Variants in SYNE3 observed in about 807,000 individuals in gnomAD.
SYNE3 encodes spectrin repeat containing nuclear envelope family member 3.
In SYNE3, 100 loss-of-function variants were observed where a neutral mutation model predicts 111.2. That is an observed-to-expected ratio of 0.90 (90% confidence interval 0.77 to 1.06). The LOEUF is 1.06. Among genes scored for constraint, SYNE3 ranks in the 50% least tolerant of loss-of-function variants. SYNE3 has a pLI of 0.00. For synonymous variants in SYNE3, 547 were observed against 533.9 expected, an observed-to-expected ratio of 1.02 and a Z score of -0.34; for missense variants, 1,160 against 1,240.3, an observed-to-expected ratio of 0.94 and a Z score of 0.97.
In SYNE3 at chr14:95,439,936, T is replaced by G. The variant is rs748156365; in HGVS notation, c.2051A>C (p.Glu684Ala). Reference sequence around the variant, plus strand: ...TACCTCAAACTCGGCCTCTTGGGACTCGGCATCCCCCGGGCCCGCCTCTCC... The same window carrying G: ...TACCTCAAACTCGGCCTCTTGGGACGCGGCATCCCCCGGGCCCGCCTCTCC... ...HRGEAGPGDA[E>A]SQEAEFERLV... is the part of the protein sequence containing the mutation. Residue 684 changes from glutamate to alanine, a missense_variant, in exon 12 of 18, where the codon GAG becomes GCG. Glu to Ala is a moderately radical substitution (Grantham distance 107). Coordinates refer to ENST00000682763, the MANE Select transcript of SYNE3 (RefSeq NM_152592.6). 1.1e-5 allele frequency: 18 copies of G among 1,612,856 alleles called. No individual in the cohort carries two copies. Among genetic ancestry groups the G allele is most frequent in the Admixed American group, 8.3e-5 (5 of 59,892 alleles).
chr14:95,439,539 G>A (rs533152239), intron 13 of SYNE3, 73 bp downstream of exon 13: 109 of 1,580,002 alleles, frequency 6.9e-5, no homozygotes, highest in Admixed American at 5.7e-4. Context: ...TCTGCTCCAC[G>A]AGCACCTGAG....
chr14:95,436,091 CA>C (rs200599055), intron 15 of SYNE3, among the ~76,000 whole-genome samples: 2,292 of 152,214 alleles, frequency 0.015, 28 homozygotes, highest in South Asian at 0.026. Flanking sequence ...AGTTCAGTTG[CA>C]AAAATGGCTG....
intron 4 of SYNE3, among the ~76,000 whole-genome samples, chr14:95,464,229 G>A (rs1399481644): frequency 6.6e-6 from 1 of 152,184 alleles, no homozygotes; most frequent in South Asian, 2.1e-4. Context: ...GCAGACCCAC[G>A]TCACACCAAG....
chr14:95,512,536 A>G (rs988070962), intron 1 of SYNE3, among the ~76,000 whole-genome samples: 1 of 152,062 alleles, frequency 6.6e-6, no homozygotes, highest in African/African-American at 2.4e-5. Flanking sequence ...CCTGGGCAAC[A>G]GAGTGAGACT....
Position 95,446,205 on chromosome 14 carries a change from G to C in SYNE3, c.1450-114C>G, listed in dbSNP as rs1886710322. On this transcript the variant is annotated intron_variant, in intron 8 of 17. Transcript: ENST00000682763. ...TGCTTAGGAAGCTCACCTTTGTGCA[G>C]GTGTCTGAGGAAGCAGCAAACTCAA... is the stretch of plus-strand genomic sequence containing the variant. 7.1e-6 allele frequency: 9 copies of C among 1,267,560 alleles called. No homozygotes were observed. The Admixed American group carries it at 1.8e-4, about 25-fold the overall frequency. 78.5% of individuals were successfully genotyped at this position (1,267,560 alleles called of 1,614,324 possible).
At chr14:95,430,268 G>T (rs1012314821) in intron 17 of SYNE3, among the ~76,000 whole-genome samples, 3 of 152,136 alleles carry the variant, frequency 2.0e-5, no homozygotes, top group Non-Finnish European at 4.4e-5. Context: ...CCAGAGAGAG[G>T]CTTAAAGTGC....
intron 1 of SYNE3, among the ~76,000 whole-genome samples, chr14:95,502,933 C>A (rs1217231635): frequency 6.6e-6 from 1 of 152,172 alleles, no homozygotes; most frequent in Admixed American, 6.5e-5. Flanking sequence ...AGAAAACAGT[C>A]AGAGTGGTGC....
chr14:95,461,614 G>A (rs942889118), intron 4 of SYNE3, among the ~76,000 whole-genome samples: 6 of 152,168 alleles, frequency 3.9e-5, no homozygotes, highest in South Asian at 2.1e-4. Flanking sequence ...GGTTTTCCTC[G>A]TTGGAGCAGT....
intron 8 of SYNE3, chr14:95,449,352 T>C (rs566585940): frequency 1.6e-3 from 1,368 of 847,084 alleles, no homozygotes; most frequent in Non-Finnish European, 1.8e-3. Flanking sequence ...AGTGTGCGGG[T>C]GTCAGGGGAA....
chr14:95,478,436 C>G (rs1889023469), intron 1 of SYNE3, among the ~76,000 whole-genome samples: 1 of 152,162 alleles, frequency 6.6e-6, no homozygotes, highest in African/African-American at 2.4e-5. Flanking sequence ...CACGCCAGGT[C>G]CTGGGGACCA....
intron 14 of SYNE3, 154 bp downstream of exon 14, chr14:95,438,879 C>T (rs1886245749): frequency 1.8e-6 from 2 of 1,085,328 alleles, no homozygotes; most frequent in Admixed American, 2.2e-5. Flanking sequence ...TCTTTGGCCA[C>T]AGCTGGGGCA....
chr14:95,483,312 G>T (rs1004394019), intron 1 of SYNE3, among the ~76,000 whole-genome samples: 3 of 152,172 alleles, frequency 2.0e-5, no homozygotes, highest in Non-Finnish European at 4.4e-5. Flanking sequence ...GCTGGCCGGG[G>T]CCGCCCACCA....
intron 11 of SYNE3, among the ~76,000 whole-genome samples, chr14:95,441,421 C>T (rs1189604141): frequency 6.6e-6 from 1 of 152,198 alleles, no homozygotes; most frequent in Non-Finnish European, 1.5e-5. Flanking sequence ...CAGATACCTG[C>T]CCCCCAGGGG....
chr14:95,467,526 C>T (rs931010887), intron 3 of SYNE3, among the ~76,000 whole-genome samples: 2 of 152,208 alleles, frequency 1.3e-5, no homozygotes, highest in African/African-American at 4.8e-5. Flanking sequence ...TCTCCAGAGC[C>T]ATTGTGCCAT....
At chr14:95,469,854 T>A (rs1030355577) in intron 2 of SYNE3, among the ~76,000 whole-genome samples, 1 of 152,204 alleles carries the variant, frequency 6.6e-6, no homozygotes, top group African/African-American at 2.4e-5. Flanking sequence ...CCCCATCCTT[T>A]TTTTACTCCA....
chr14:95,496,510 G>C (rs1222572697), intron 1 of SYNE3, among the ~76,000 whole-genome samples: 1 of 152,170 alleles, frequency 6.6e-6, no homozygotes, highest in Non-Finnish European at 1.5e-5. Flanking sequence ...AGCCTCCTCT[G>C]ACATCATTCC....
At chr14:95,463,808 T>C (rs1440446406) in intron 4 of SYNE3, among the ~76,000 whole-genome samples, 1 of 152,272 alleles carries the variant, frequency 6.6e-6, no homozygotes, top group Non-Finnish European at 1.5e-5. Context: ...GGAGTTCTCA[T>C]TATTTCAACA....
chr14:95,449,908 C>A, intron 8 of SYNE3, 23 bp downstream of exon 8: 3 of 1,547,056 alleles, frequency 1.9e-6, no homozygotes, highest in Non-Finnish European at 2.6e-6. Flanking sequence ...CCAGCCCCAC[C>A]CAGTTGGCAG....
intron 1 of SYNE3, among the ~76,000 whole-genome samples, chr14:95,502,486 T>C (rs1012282436): frequency 9.9e-5 from 15 of 152,140 alleles, no homozygotes; most frequent in African/African-American, 3.6e-4. Flanking sequence ...GGCTCTCAGA[T>C]CCAGTCACTG....
Sources: allele counts gnomAD v4.1 joint callset (sites outside exome capture counted in the v4.1 genomes callset), GRCh38; gene constraint gnomAD v4.1.1; transcripts MANE v1.5; gene names NCBI Gene and HGNC (gene_info 2026-07-23, HGNC 2026-07-21).